Variants in NKAIN2 observed in about 807,000 individuals in gnomAD.
NKAIN2 encodes the protein sodium/potassium transporting ATPase interacting 2, also known as sodium/potassium-transporting ATPase subunit beta-1-interacting protein 2.
A neutral mutation model predicts 32.6 loss-of-function variants in NKAIN2; 14 were observed. That is an observed-to-expected ratio of 0.43 (90% confidence interval 0.28 to 0.67). The LOEUF is 0.67. NKAIN2 is among the 30% of genes least tolerant of loss of function. The pLI is 0.17. For synonymous variants in NKAIN2, 80 were observed against 87.2 expected (o/e 0.92, Z 0.46); for missense variants, 198 against 258.3 (o/e 0.77, Z 1.60).
chr6:124,199,057 T>G (rs534948504), intron 1 of NKAIN2, among the ~76,000 whole-genome samples: 1 of 152,216 alleles, frequency 6.6e-6, no homozygotes, highest in Non-Finnish European at 1.5e-5. Flanking sequence ...TTTATAATAT[T>G]AAAATGATGT....
intron 1 of NKAIN2, among the ~76,000 whole-genome samples, chr6:123,927,843 C>A (rs761797722): frequency 6.6e-6 from 1 of 152,128 alleles, no homozygotes; most frequent in African/African-American, 2.4e-5. Flanking sequence ...GGTTCTATGA[C>A]CTGTAACTTG....
intron 3 of NKAIN2, among the ~76,000 whole-genome samples, chr6:124,594,639 G>A (rs1362587128): frequency 4.6e-5 from 7 of 152,104 alleles, no homozygotes; most frequent in African/African-American, 1.4e-4. Context: ...CCAAAGTTTG[G>A]TTGGGAGAGG....
intron 3 of NKAIN2, among the ~76,000 whole-genome samples, chr6:124,488,854 G>A (rs1777753984): frequency 6.6e-6 from 1 of 151,940 alleles, no homozygotes; most frequent in African/African-American, 2.4e-5. Flanking sequence ...TATTGAGTAT[G>A]TGATGGTTTC....
intron 3 of NKAIN2, among the ~76,000 whole-genome samples, chr6:124,551,038 T>C (rs1336068115): frequency 6.6e-6 from 1 of 152,188 alleles, no homozygotes; most frequent in Non-Finnish European, 1.5e-5. Context: ...ATATAAAATG[T>C]GACAGCATGC....
At chr6:124,288,827 A>G (rs1260143222) in intron 2 of NKAIN2, among the ~76,000 whole-genome samples, 2 of 152,212 alleles carry the variant, frequency 1.3e-5, no homozygotes, top group East Asian at 3.9e-4. Context: ...TATTGGAAAT[A>G]CAAAAGACCT....
intron 1 of NKAIN2, among the ~76,000 whole-genome samples, chr6:123,829,659 G>T (rs1421530651): frequency 6.6e-6 from 1 of 152,128 alleles, no homozygotes; most frequent in Non-Finnish European, 1.5e-5. Context: ...CCAGCTAAAT[G>T]CAGAGGGGTG....
chr6:123,980,067 A>G (rs570695056), intron 1 of NKAIN2, among the ~76,000 whole-genome samples: 3 of 152,182 alleles, frequency 2.0e-5, no homozygotes, highest in East Asian at 1.9e-4. Flanking sequence ...ATAAATTGGG[A>G]ATATATTTGA....
chr6:124,675,289 T>A (rs1470488913), intron 4 of NKAIN2, among the ~76,000 whole-genome samples: 2 of 152,034 alleles, frequency 1.3e-5, no homozygotes, highest in Admixed American at 1.3e-4. Flanking sequence ...GATGTTTTTG[T>A]TTTGCTAGTA....
At chr6:124,689,945 C>T (rs1275636531) in intron 4 of NKAIN2, among the ~76,000 whole-genome samples, 1 of 152,040 alleles carries the variant, frequency 6.6e-6, no homozygotes, top group East Asian at 1.9e-4. Flanking sequence ...TGAGTCTTTT[C>T]CTCTCCATAT....
chr6:124,250,411 AC>A lies in NKAIN2; in HGVS notation c.55-32593del, dbSNP rs1290201364. Among the ~76,000 whole-genome samples the A allele has an allele frequency of 5.9e-5, 9 of 152,226 alleles. No individual in the cohort carries two copies. The East Asian group carries it at 1.7e-3, about 29-fold the overall frequency. ...TTACAACTAGGCATACCATAATAAA[AC>A]TATGGACTCCAAATACAAAGGGAAG... On this transcript the variant is annotated intron_variant, in intron 1 of 6. Coordinates refer to ENST00000368417, the MANE Select transcript of NKAIN2 (RefSeq NM_001040214.3).
intron 1 of NKAIN2, among the ~76,000 whole-genome samples, chr6:124,147,155 A>G (rs1442443955): frequency 1.3e-5 from 2 of 152,192 alleles, no homozygotes; most frequent in African/African-American, 4.8e-5. Context: ...ATGATAACAC[A>G]TTACCACAGC....
chr6:124,149,862 C>G (rs1215328571), intron 1 of NKAIN2, among the ~76,000 whole-genome samples: 4 of 152,210 alleles, frequency 2.6e-5, no homozygotes, highest in Admixed American at 6.5e-5. Flanking sequence ...GACAGCAGCC[C>G]CTAGAAGCTG....
intron 3 of NKAIN2, among the ~76,000 whole-genome samples, chr6:124,522,175 C>T (rs193282209): frequency 1.6e-4 from 25 of 152,084 alleles, no homozygotes; most frequent in African/African-American, 4.1e-4. Flanking sequence ...GACCAGGGTT[C>T]GGCACATAAA....
intron 1 of NKAIN2, among the ~76,000 whole-genome samples, chr6:124,072,095 TTAGA>T (rs1300426725): frequency 2.0e-5 from 3 of 151,996 alleles, no homozygotes; most frequent in African/African-American, 7.2e-5. Flanking sequence ...CAACAGTGGG[TTAGA>T]TAAAGAAAGT....
chr6:124,267,895 A>T (rs1562460953), intron 1 of NKAIN2, among the ~76,000 whole-genome samples: 1 of 152,180 alleles, frequency 6.6e-6, no homozygotes, highest in Non-Finnish European at 1.5e-5. Context: ...GTGGAATAAG[A>T]ACTTTAAAAA....
At chr6:124,022,922 T>C (rs999804195) in intron 1 of NKAIN2, among the ~76,000 whole-genome samples, 2 of 151,966 alleles carry the variant, frequency 1.3e-5, no homozygotes, top group African/African-American at 4.8e-5. Context: ...ATTACACTTG[T>C]TGCAGCTGTA....
At chr6:124,250,260 C>G (rs1793634700) in intron 1 of NKAIN2, among the ~76,000 whole-genome samples, 1 of 152,170 alleles carries the variant, frequency 6.6e-6, no homozygotes, top group East Asian at 1.9e-4. Flanking sequence ...CATTTCTGTT[C>G]TTTGTAAGCT....
intron 4 of NKAIN2, among the ~76,000 whole-genome samples, chr6:124,770,735 G>T (rs1778713204): frequency 6.6e-6 from 1 of 152,010 alleles, no homozygotes; most frequent in South Asian, 2.1e-4. Context: ...AAGTGCACCA[G>T]AGGCCACTTA....
In NKAIN2 at chr6:124,726,718, A is replaced by G. The variant is rs573374123; in HGVS notation, c.475-64621A>G. On this transcript the variant is annotated intron_variant, in intron 4 of 6. Coordinates refer to ENST00000368417, the MANE Select transcript of NKAIN2 (RefSeq NM_001040214.3). ...CAAAGCTGGATGGAGAATGACTTTG[A>G]TGAGCTGAGAGAAGAAGGCTTCAGA... is the stretch of plus-strand genomic sequence containing the variant. Among the ~76,000 whole-genome samples, 1,192 of 145,566 alleles carry G rather than the reference A, an allele frequency of 8.2e-3. 9 individuals are homozygous for G. Among genetic ancestry groups the G allele is most frequent in the African/African-American group, 0.029 (1,146 of 38,980 alleles).
Sources: gnomAD v4.1 joint callset for allele counts (sites outside exome capture counted in the v4.1 genomes callset) on GRCh38, gnomAD v4.1.1 for gene constraint, MANE v1.5 for transcripts, NCBI Gene and HGNC (gene_info 2026-07-23, HGNC 2026-07-21) for gene names.